ATG2B: variants seen among roughly 807,000 people sequenced by gnomAD.
The protein encoded by ATG2B is autophagy related 2B, also known as autophagy-related protein 2 homolog B.
In ATG2B, 121 loss-of-function variants were observed where a neutral mutation model predicts 241.3. The ratio of observed to expected loss-of-function variants is 0.50; its 90% CI spans 0.43 to 0.58. ATG2B has a LOEUF of 0.58. Among genes scored for constraint, ATG2B ranks in the 20% least tolerant of loss-of-function variants. The pLI is 0.00. For missense variants in ATG2B, 2,306 were observed against 2,491.6 expected, an observed-to-expected ratio of 0.93 and a Z score of 1.59; for synonymous variants, 858 against 876.6, an observed-to-expected ratio of 0.98 and a Z score of 0.37.
intron 36 of ATG2B, among the ~76,000 whole-genome samples, chr14:96,294,078 T>G (rs117788923): frequency 0.037 from 5,650 of 152,314 alleles, 158 homozygotes; most frequent in Non-Finnish European, 0.049. Context: ...TCTTTCCAAT[T>G]ATCATATTCC....
chr14:96,312,030 T>C, intron 26 of ATG2B, 59 bp downstream of exon 26: 1 of 1,286,384 alleles, frequency 7.8e-7, no homozygotes, highest in Non-Finnish European at 1.1e-6. Context: ...TGCTTTAAAA[T>C]TATTTACGCA....
intron 11 of ATG2B, among the ~76,000 whole-genome samples, chr14:96,330,342 TTAAA>T (rs1354886999): frequency 2.6e-5 from 4 of 152,186 alleles, no homozygotes; most frequent in African/African-American, 7.2e-5. Context: ...GTTAAAAAGA[TTAAA>T]TAAACGCCCA....
At chr14:96,342,441 G>T (rs1054680611) in intron 5 of ATG2B, among the ~76,000 whole-genome samples, 1 of 152,100 alleles carries the variant, frequency 6.6e-6, no homozygotes, top group African/African-American at 2.4e-5. Context: ...ACATAAATGG[G>T]CCAGACGTGG....
rs532025722 is a variant in ATG2B at position 96,317,939 on chromosome 14, C to T, written c.2880-84G>A. Reference sequence around the variant, plus strand: ...TTAAAAAAAAATCCTTTTAAAAGATCGTATGAACAATAATTTTTTAAACGG... The same window carrying T: ...TTAAAAAAAAATCCTTTTAAAAGATTGTATGAACAATAATTTTTTAAACGG... On this transcript the variant is annotated intron_variant, in intron 18 of 41. Coordinates refer to ENST00000359933, the MANE Select transcript of ATG2B (RefSeq NM_018036.7). 33 of 1,020,506 alleles carry T rather than the reference C, an allele frequency of 3.2e-5. No homozygotes were observed. In the African/African-American group the frequency reaches 3.7e-4, roughly 12 times the overall value. 63.2% of individuals were successfully genotyped at this position (1,020,506 alleles called of 1,614,324 possible). A position where few individuals can be genotyped will look rare whatever the true frequency, so the allele number is the denominator to read the frequency against.
intron 34 of ATG2B, among the ~76,000 whole-genome samples, chr14:96,296,374 A>G (rs1021352367): frequency 3.3e-5 from 5 of 152,276 alleles, no homozygotes; most frequent in African/African-American, 1.2e-4. Flanking sequence ...CATTATAGGC[A>G]GCTTCGTTTT....
At chr14:96,307,611 G>T (rs1886988278) in intron 29 of ATG2B, among the ~76,000 whole-genome samples, 1 of 152,028 alleles carries the variant, frequency 6.6e-6, no homozygotes, top group African/African-American at 2.4e-5. Context: ...AGCTCTGGAA[G>T]AAACTTCTTG....
At chr14:96,322,912 A>G (rs1334412334) in intron 16 of ATG2B, among the ~76,000 whole-genome samples, 177 bp from the exon 17 acceptor site, 1 of 152,218 alleles carries the variant, frequency 6.6e-6, no homozygotes, top group African/African-American at 2.4e-5. Flanking sequence ...TAAACTTACA[A>G]GTGTGGAACT....
Position 96,290,020 on chromosome 14 carries a change from G to A in ATG2B, c.5857-215C>T. The A allele has an allele frequency of 2.2e-6, 2 of 920,460 alleles. No individual in the cohort carries two copies. The highest frequency in any genetic ancestry group is 3.0e-6 in the Non-Finnish European group (2 of 659,662). 57.0% of individuals were successfully genotyped at this position (920,460 alleles called of 1,614,324 possible). ...AATTAATAACTAACACCTGGATTGA[G>A]CTAAATTTTTAGCCCCTCCTCTGTT... is the stretch of plus-strand genomic sequence containing the variant. On this transcript the variant is annotated intron_variant, in intron 40 of 41. Coordinates refer to ENST00000359933, the MANE Select transcript of ATG2B (RefSeq NM_018036.7). The surrounding 1 kb of genome is among the most constrained non-coding windows in gnomAD (Gnocchi z 4.4).
intron 29 of ATG2B, among the ~76,000 whole-genome samples, chr14:96,308,990 T>C (rs1283657491): frequency 1.3e-5 from 2 of 152,214 alleles, no homozygotes; most frequent in Non-Finnish European, 2.9e-5. Flanking sequence ...GTCTGTGCTC[T>C]GTTGATGTTA....
chr14:96,317,474 AAAC>A (rs1887346812), intron 19 of ATG2B, among the ~76,000 whole-genome samples, 157 bp from the exon 20 acceptor site: 1 of 152,208 alleles, frequency 6.6e-6, no homozygotes, highest in African/African-American at 2.4e-5. Context: ...TTTGAACTTC[AAAC>A]AATGTGCACA....
chr14:96,295,511 A>G lies in ATG2B; in HGVS notation c.5189T>C (p.Val1730Ala), dbSNP rs1886613208. 1 of 1,607,452 alleles carries G rather than the reference A, an allele frequency of 6.2e-7. No homozygotes were observed. The highest frequency in any genetic ancestry group is 1.3e-5 in the African/African-American group (1 of 74,662). The part of the protein sequence containing the change: ...KDFFTSLSAE[V>A]ELQMTPDPEV... ...TGGATCTGGAGTCATTTGAAGCTCTACTTCTGCAGAAAGACTTGTGAAGAA... is the reference window on the plus strand; with the variant it reads ...TGGATCTGGAGTCATTTGAAGCTCTGCTTCTGCAGAAAGACTTGTGAAGAA... Residue 1730 changes from valine (V) to alanine (A), a missense_variant, in exon 35 of 42, where the codon GTA (valine) becomes GCA (alanine). Coordinates refer to ENST00000359933, the MANE Select transcript of ATG2B (RefSeq NM_018036.7).
intron 18 of ATG2B, among the ~76,000 whole-genome samples, chr14:96,318,065 A>G (rs1887362981): frequency 6.6e-6 from 1 of 152,226 alleles, no homozygotes; most frequent in Non-Finnish European, 1.5e-5. Context: ...AATGCAGGGC[A>G]GTGACAAAAG....
rs752233077 is a variant in ATG2B at position 96,328,418 on chromosome 14, G to T, written c.2092C>A (p.Pro698Thr). ...ATCTCTACTGTGGCAAGTTTCTGTG[G>T]TTGAAGCAAGGAATTTAACCTGTCC... ...IVDRLNSLLQ[P>T]QKLATVEMMA... is the part of the protein sequence containing the mutation. The change falls in exon 14 of 42, where the codon CCA becomes ACA. Residue 698 changes from proline (P) to threonine (T), a missense_variant. Around this residue, in one of 2 missense-constraint regions of ATG2B, gnomAD observed 1,927 missense variants for 2,011.2 expected, o/e 0.96. Transcript: ENST00000359933. The T allele has an allele frequency of 3.1e-6, 5 of 1,613,520 alleles. No individual in the cohort carries two copies. Among genetic ancestry groups the T allele is most frequent in the Non-Finnish European group, 4.2e-6 (5 of 1,179,790 alleles).
rs561518680 is a variant in ATG2B at position 96,303,593 on chromosome 14, TATTC to T, written c.4843-342_4843-339del. 6.7e-3 allele frequency among the ~76,000 whole-genome samples: 1,013 copies of T among 152,324 alleles called. 17 individuals carry two copies. The highest frequency in any genetic ancestry group is 0.023 in the African/African-American group (971 of 41,566). ...TAGTGTTATAATTATTCTATTTTAT[TATTC>T]ATTATTGTTAATCTCTTACTATGCC... is the stretch of plus-strand genomic sequence containing the variant. On this transcript the variant is annotated intron_variant, in intron 32 of 41. Transcript: ENST00000359933.
At chr14:96,303,277 A>G (rs770066589) in intron 32 of ATG2B, 22 bp from the exon 33 acceptor site, 2 of 1,507,614 alleles carry the variant, frequency 1.3e-6, no homozygotes, top group Non-Finnish European at 8.9e-7. Flanking sequence ...AGGAGGAAGA[A>G]CGCGGAACAG....
rs746443554 is a variant in ATG2B, at chr14:96,285,732, T to C, written c.*23A>G. 20 of 1,610,012 alleles carry C rather than the reference T, an allele frequency of 1.2e-5. No homozygotes were observed. Among genetic ancestry groups the C allele is most frequent in the Non-Finnish European group, 1.7e-5 (20 of 1,177,344 alleles). On this transcript the variant is annotated 3_prime_UTR_variant, in exon 42 of 42. Transcript: ENST00000359933. The surrounding 1 kb of genome is among the most constrained non-coding windows in gnomAD (Gnocchi z 4.2). ...AGCTCCTGGTTCCACTCTCCTTATCTTCACACTGTCAGTTCCAAGCCATCA... is the reference window on the plus strand; with the variant it reads ...AGCTCCTGGTTCCACTCTCCTTATCCTCACACTGTCAGTTCCAAGCCATCA...
chr14:96,350,715 G>A (rs913663056), intron 1 of ATG2B, among the ~76,000 whole-genome samples: 2 of 152,114 alleles, frequency 1.3e-5, no homozygotes, highest in Admixed American at 6.5e-5. Flanking sequence ...AGACTTGATC[G>A]GCTCGTTTTA....
intron 34 of ATG2B, among the ~76,000 whole-genome samples, chr14:96,298,991 T>C (rs573376485): frequency 1.3e-5 from 2 of 152,256 alleles, no homozygotes; most frequent in South Asian, 4.1e-4. Context: ...GATCCTATGA[T>C]AAAGGATATT....
chr14:96,302,172 A>T, intron 33 of ATG2B, 64 bp from the exon 34 acceptor site: 1 of 1,028,340 alleles, frequency 9.7e-7, no homozygotes, highest in Non-Finnish European at 1.5e-6. Flanking sequence ...TCTCTTTAAA[A>T]ATAAGAAAAA....
Sources: allele counts gnomAD v4.1 joint callset (sites outside exome capture counted in the v4.1 genomes callset), GRCh38; gene constraint gnomAD v4.1.1; regional missense constraint gnomAD v4.1.1; non-coding constraint Gnocchi (gnomAD v3.1); transcripts MANE v1.5; gene names NCBI Gene and HGNC (gene_info 2026-07-23, HGNC 2026-07-21).